NDUFS1: variants seen among roughly 807,000 people sequenced by gnomAD.
NDUFS1 encodes NADH-ubiquinone oxidoreductase 75 kDa subunit, mitochondrial.
Under a neutral mutation model 84.4 loss-of-function variants are expected in NDUFS1, and 61 were observed. That is an observed-to-expected ratio of 0.72 (90% confidence interval 0.59 to 0.89). The LOEUF (loss-of-function observed/expected upper bound fraction) is 0.89. Ranked by LOEUF, NDUFS1 falls within the 40% of genes least tolerant of loss-of-function variation. The pLI is 0.00. For missense variants in NDUFS1, 891 were observed against 890.0 expected (o/e 1.00, Z -0.01); for synonymous variants, 275 against 290.0 (o/e 0.95, Z 0.53).
At chr2:206,131,076 T>C (rs990524567) in intron 14 of NDUFS1, among the ~76,000 whole-genome samples, 3 of 152,196 alleles carry the variant, frequency 2.0e-5, no homozygotes, top group African/African-American at 7.2e-5. Flanking sequence ...ATACTTTGAA[T>C]AGCAGGGTTG....
chr2:206,135,161 G>A (rs181422110), intron 13 of NDUFS1, among the ~76,000 whole-genome samples: 2 of 151,810 alleles, frequency 1.3e-5, no homozygotes, highest in Admixed American at 1.3e-4. Flanking sequence ...TGAGATTACT[G>A]GCACACGCCA....
chr2:206,156,880 C>T (rs1406813418), intron 1 of NDUFS1, among the ~76,000 whole-genome samples: 4 of 152,208 alleles, frequency 2.6e-5, no homozygotes, highest in African/African-American at 9.7e-5. Context: ...ACTTCCTAGA[C>T]AATGAGCTAT....
chr2:206,147,128 CA>C (rs761538202), intron 7 of NDUFS1, 40 bp from the exon 8 acceptor site: 1 of 1,581,638 alleles, frequency 6.3e-7, no homozygotes, highest in South Asian at 1.1e-5. Context: ...TCAAGTCCAG[CA>C]AAATTATTTC....
intron 1 of NDUFS1, among the ~76,000 whole-genome samples, chr2:206,156,049 G>A (rs1182384705): frequency 4.0e-5 from 6 of 151,212 alleles, no homozygotes; most frequent in East Asian, 2.0e-4. Flanking sequence ...GGATCACGAG[G>A]TCAAGAGATC....
At chr2:206,125,019 T>C (rs1691235012) in intron 18 of NDUFS1, among the ~76,000 whole-genome samples, 1 of 152,110 alleles carries the variant, frequency 6.6e-6, no homozygotes, top group Admixed American at 6.6e-5. Flanking sequence ...TCTCACTTTT[T>C]TTTTTTTAAA....
rs78188782 is a variant in NDUFS1 at position 206,115,416 on chromosome 2, A to C, written c.*8769T>G. The C allele has an allele frequency of 3.6e-3, 587 of 161,518 alleles. 9 individuals are homozygous for C. The highest frequency in any genetic ancestry group is 0.013 in the African/African-American group (555 of 41,634). The allele number at this position is 161,518 out of a possible 1,614,324, so 10.0% of individuals were successfully genotyped here. Reference sequence around the variant, plus strand: ...ATATTTGATTGATGCCATTATAAAAAGGGTTTGCGGGAGCATGTTAGCTCT... The same window carrying C: ...ATATTTGATTGATGCCATTATAAAACGGGTTTGCGGGAGCATGTTAGCTCT... On this transcript the variant is annotated 3_prime_UTR_variant, in exon 19 of 19. Transcript: ENST00000233190.
intron 14 of NDUFS1, 49 bp downstream of exon 14, chr2:206,132,896 A>C (rs1575956372): frequency 1.3e-6 from 2 of 1,519,402 alleles, no homozygotes; most frequent in East Asian, 4.5e-5. Context: ...ACATACATAT[A>C]CACAACATTA....
intron 14 of NDUFS1, among the ~76,000 whole-genome samples, chr2:206,132,152 G>T (rs1354034137): frequency 2.0e-5 from 3 of 151,516 alleles, no homozygotes; most frequent in Non-Finnish European, 2.9e-5. Flanking sequence ...ATATTACGCA[G>T]GGTAAAGAAA....
At position 206,123,834 on chromosome 2, in the gene NDUFS1, T is replaced by G; in HGVS notation, c.*351A>C. ...TCTTTTCTTTAGCACTAGAAAAAAG[T>G]AGGTTTTAATTGAACCTCTTTTCAT... On this transcript the variant is annotated 3_prime_UTR_variant, in exon 19 of 19. Coordinates refer to ENST00000233190, the MANE Select transcript of NDUFS1 (RefSeq NM_005006.7). The G allele has an allele frequency of 5.3e-6, 1 of 190,464 alleles. No homozygotes were observed. Among genetic ancestry groups the G allele is most frequent in the South Asian group, 1.4e-4 (1 of 7,062 alleles). The allele number at this position is 190,464 out of a possible 1,614,324, so 11.8% of individuals were successfully genotyped here.
At position 206,144,992 on chromosome 2, in the gene NDUFS1, C is replaced by T; in HGVS notation, c.772G>A (p.Gly258Arg). The T allele has an allele frequency of 1.2e-6, 2 of 1,614,028 alleles. No individual in the cohort carries two copies. The highest frequency in any genetic ancestry group is 3.3e-5 in the Admixed American group (2 of 60,012). ...CTTGTGCTAACCACAATATTACTTC[C>T]AACCGCATCCATTACATCAATGGAT... ...TESIDVMDAV[G>R]SNIVVSTRTG... The change falls in exon 9 of 19, where the codon GGA (glycine) becomes AGA (arginine). Residue 258 changes from glycine (G) to arginine (R), a missense_variant. By Grantham distance (125) the Gly-to-Arg change is moderately radical (BLOSUM62 -2). Transcript: ENST00000233190.
intron 4 of NDUFS1, 57 bp downstream of exon 4, chr2:206,149,761 A>C (rs1692295606): frequency 7.8e-7 from 1 of 1,290,148 alleles, no homozygotes; most frequent in Non-Finnish European, 1.1e-6. Flanking sequence ...AGTTTGCTGC[A>C]AGATTTAAAG....
At chr2:206,156,574 C>CA (rs570258639) in intron 1 of NDUFS1, among the ~76,000 whole-genome samples, 12,058 of 141,122 alleles carry the variant, frequency 0.085, 710 homozygotes, top group Admixed American at 0.2. Flanking sequence ...GACCCTGTCT[C>CA]AAAAAAAAAA....
At chr2:206,140,941 T>TACACACACACAC (rs757622422) in intron 12 of NDUFS1, among the ~76,000 whole-genome samples, 16 of 67,070 alleles carry the variant, frequency 2.4e-4, no homozygotes, top group Admixed American at 7.5e-4. Context: ...TATATATATA[T>TACACACACACAC]ATACACACAC....
intron 15 of NDUFS1, among the ~76,000 whole-genome samples, chr2:206,128,603 C>G (rs960194380): frequency 1.3e-5 from 2 of 151,744 alleles, no homozygotes; most frequent in Non-Finnish European, 2.9e-5. Flanking sequence ...CATGGCAAAA[C>G]TGCATCTCTA....
rs776083146 is a variant in NDUFS1, at chr2:206,147,594, T to G, written c.488A>C (p.Lys163Thr). The change falls in exon 7 of 19, where the codon AAG (lysine) becomes ACG (threonine). Residue 163 changes from lysine (K) to threonine (T), a missense_variant. Transcript: ENST00000233190. ...FLEGKRAVED[K>T]NIGPLVKTIM... ...GGTCTTTACCAATGGCCCAATGTTC[T>G]TGTCTTCCACAGCACGCTTCCCCTC... is the stretch of plus-strand genomic sequence containing the variant. 1 of 1,614,206 alleles carries G rather than the reference T, an allele frequency of 6.2e-7. No individual in the cohort carries two copies. The highest frequency in any genetic ancestry group is 1.7e-5 in the Admixed American group (1 of 60,030).
At chr2:206,144,868 T>C (rs1692096933) in intron 9 of NDUFS1, 24 bp downstream of exon 9, 7 of 1,609,318 alleles carry the variant, frequency 4.3e-6, no homozygotes, top group African/African-American at 1.3e-5. Context: ...CTGTAAAAGT[T>C]AAGGAAAACA....
intron 2 of NDUFS1, among the ~76,000 whole-genome samples, 168 bp downstream of exon 2, chr2:206,153,450 C>T (rs1458247322): frequency 6.6e-6 from 1 of 152,110 alleles, no homozygotes; most frequent in African/African-American, 2.4e-5. Context: ...CCTGCCTCAG[C>T]CTCTCAAAGT....
At chr2:206,138,741 A>G (rs1691821393) in intron 12 of NDUFS1, 127 bp from the exon 13 acceptor site, 2 of 1,065,948 alleles carry the variant, frequency 1.9e-6, no homozygotes, top group African/African-American at 1.6e-5. Flanking sequence ...CATTTAACAG[A>G]TATGATTTAC....
chr2:206,141,783 G>A (rs1342589207), intron 12 of NDUFS1, among the ~76,000 whole-genome samples, 158 bp downstream of exon 12: 1 of 144,580 alleles, frequency 6.9e-6, no homozygotes, highest in African/African-American at 2.6e-5. Context: ...GTGACAGAGT[G>A]AGACTCCGTC....
Sources: allele counts gnomAD v4.1 joint callset (sites outside exome capture counted in the v4.1 genomes callset), GRCh38; gene constraint gnomAD v4.1.1; transcripts MANE v1.5; gene names NCBI Gene and HGNC (gene_info 2026-07-23, HGNC 2026-07-21).